The following AUTS2 variants were observed in gnomAD, a reference collection of about 807,000 sequenced individuals.
AUTS2 encodes autism susceptibility gene 2 protein.
Under a neutral mutation model 112.4 loss-of-function variants are expected in AUTS2, and 17 were observed. The observed-to-expected ratio is 0.15, with a 90% CI of 0.10 to 0.23. The LOEUF (loss-of-function observed/expected upper bound fraction) is 0.23. Among genes scored for constraint, AUTS2 ranks in the 10% least tolerant of loss-of-function variants. AUTS2 has a pLI of 1.00. For missense variants in AUTS2, 1,510 were observed against 1,701.6 expected (o/e 0.89, Z 1.98); for synonymous variants, 751 against 702.7 (o/e 1.07, Z -1.09).
At chr7:69,809,079 C>CT (rs113662227) in intron 1 of AUTS2, among the ~76,000 whole-genome samples, 163 of 147,296 alleles carry the variant, frequency 1.1e-3, no homozygotes, top group African/African-American at 3.0e-3. Flanking sequence ...ACATAATTTC[C>CT]TTTTTTTTTT....
At chr7:70,552,051 G>A (rs1346102061) in intron 5 of AUTS2, among the ~76,000 whole-genome samples, 1 of 152,154 alleles carries the variant, frequency 6.6e-6, no homozygotes, top group Non-Finnish European at 1.5e-5. Context: ...TTTAAGAGAA[G>A]AGGAGAAGAG....
intron 1 of AUTS2, among the ~76,000 whole-genome samples, chr7:69,685,682 T>TG (rs1797029993): frequency 6.6e-6 from 1 of 151,892 alleles, no homozygotes; most frequent in African/African-American, 2.4e-5. Context: ...GAGTTTGCAA[T>TG]GGTAGAAGTA....
At chr7:70,477,599 T>C (rs536524649) in intron 5 of AUTS2, among the ~76,000 whole-genome samples, 83 of 152,330 alleles carry the variant, frequency 5.4e-4, no homozygotes, top group African/African-American at 1.9e-3. Flanking sequence ...TGCTGGCACG[T>C]ACCTGATTTG....
rs17141157 is a variant in AUTS2 at position 70,058,719 on chromosome 7, A to G, written c.523-59413A>G. Among the ~76,000 whole-genome samples the G allele has an allele frequency of 2.9e-3, 444 of 151,172 alleles. 16 individuals carry two copies. In the East Asian group the frequency reaches 0.073, roughly 25 times the overall value. ...TATGTCATACTTCATGTCTTTCCTT[A>G]TTAAGGATAATTAGTTTATGGAGGA... On this transcript the variant is annotated intron_variant, in intron 2 of 18. Coordinates refer to ENST00000342771, the MANE Select transcript of AUTS2 (RefSeq NM_015570.4).
At chr7:69,921,335 T>G (rs1326825195) in intron 2 of AUTS2, among the ~76,000 whole-genome samples, 1 of 148,928 alleles carries the variant, frequency 6.7e-6, no homozygotes, top group African/African-American at 2.5e-5. Context: ...AAGTTTTTTT[T>G]TTTTTTTTTT....
intron 6 of AUTS2, among the ~76,000 whole-genome samples, chr7:70,749,902 A>G (rs1315105245): frequency 2.0e-5 from 3 of 152,234 alleles, no homozygotes; most frequent in African/African-American, 4.8e-5. Flanking sequence ...ATATTTGATA[A>G]AGCTCTAAAG....
intron 2 of AUTS2, among the ~76,000 whole-genome samples, chr7:69,945,639 G>C (rs1481861395): frequency 6.6e-6 from 1 of 151,218 alleles, no homozygotes; most frequent in Non-Finnish European, 1.5e-5. Flanking sequence ...TTTTTTTTTG[G>C]TGATGGGAAC....
chr7:70,018,420 A>C (rs186252476), intron 2 of AUTS2, among the ~76,000 whole-genome samples: 1 of 152,240 alleles, frequency 6.6e-6, no homozygotes, highest in African/African-American at 2.4e-5. Context: ...CTAACGATCA[A>C]CTTCAACCAC....
chr7:70,709,433 C>A (rs760784787), intron 6 of AUTS2, among the ~76,000 whole-genome samples: 14 of 152,060 alleles, frequency 9.2e-5, no homozygotes, highest in Non-Finnish European at 1.6e-4. Context: ...TAGGGCCAGC[C>A]AGCACAGTGG....
intron 4 of AUTS2, among the ~76,000 whole-genome samples, chr7:70,152,520 G>A (rs1807500306): frequency 6.6e-6 from 1 of 151,646 alleles, no homozygotes; most frequent in South Asian, 2.1e-4. Context: ...TGTATACCCA[G>A]TGAATATAAC....
intron 2 of AUTS2, among the ~76,000 whole-genome samples, chr7:69,956,358 A>T (rs545496665): frequency 6.6e-6 from 1 of 152,292 alleles, no homozygotes; most frequent in African/African-American, 2.4e-5. Flanking sequence ...CTCATATAAA[A>T]CTGAAAGTTT....
intron 2 of AUTS2, among the ~76,000 whole-genome samples, chr7:69,978,932 C>T (rs917801793): frequency 6.9e-6 from 1 of 145,036 alleles, no homozygotes; most frequent in South Asian, 2.3e-4. Flanking sequence ...GCACACACAC[C>T]CATTACCAGT....
chr7:70,367,887 G>T (rs1792658683), intron 4 of AUTS2, among the ~76,000 whole-genome samples: 1 of 152,088 alleles, frequency 6.6e-6, no homozygotes, highest in African/African-American at 2.4e-5. Flanking sequence ...GTAGAGACTG[G>T]GTTAGAATCA....
chr7:70,731,816 C>G (rs544947189), intron 6 of AUTS2, among the ~76,000 whole-genome samples: 1 of 151,962 alleles, frequency 6.6e-6, no homozygotes, highest in Non-Finnish European at 1.5e-5. Context: ...CCATCCCCCC[C>G]GCACAAATAG....
intron 4 of AUTS2, among the ~76,000 whole-genome samples, chr7:70,337,146 G>A (rs768825705): frequency 2.0e-5 from 3 of 152,142 alleles, no homozygotes; most frequent in South Asian, 2.1e-4. Context: ...CCATGGCACC[G>A]TTTGCTGCTA....
At chr7:70,692,612 T>C (rs968774959) in intron 5 of AUTS2, among the ~76,000 whole-genome samples, 1 of 152,162 alleles carries the variant, frequency 6.6e-6, no homozygotes, top group African/African-American at 2.4e-5. Flanking sequence ...GAAAAATCAC[T>C]GTTACCTATA....
At chr7:70,110,662 C>T (rs1480665415) in intron 2 of AUTS2, among the ~76,000 whole-genome samples, 1 of 152,056 alleles carries the variant, frequency 6.6e-6, no homozygotes, top group African/African-American at 2.4e-5. Context: ...GCTAATAGCA[C>T]AATTTTAAGT....
intron 4 of AUTS2, among the ~76,000 whole-genome samples, chr7:70,157,754 G>C (rs1310380759): frequency 6.6e-6 from 1 of 152,152 alleles, no homozygotes; most frequent in Non-Finnish European, 1.5e-5. Context: ...AGCCACTGAA[G>C]GGTTTTATAG....
chr7:70,729,621 T>C (rs1585584502), intron 6 of AUTS2, among the ~76,000 whole-genome samples: 1 of 152,340 alleles, frequency 6.6e-6, no homozygotes, highest in East Asian at 1.9e-4. Flanking sequence ...TCAGGCGTTG[T>C]TGAAATGACC....
Sources: allele counts gnomAD v4.1 joint callset (sites outside exome capture counted in the v4.1 genomes callset), GRCh38; gene constraint gnomAD v4.1.1; transcripts MANE v1.5; gene names NCBI Gene and HGNC (gene_info 2026-07-23, HGNC 2026-07-21).